The following TBCA variants were observed in gnomAD, a reference collection of about 807,000 sequenced individuals.
TBCA encodes the protein tubulin folding cofactor A.
Under a neutral mutation model 15.8 loss-of-function variants are expected in TBCA, and 6 were observed. The observed-to-expected ratio is 0.38, with a 90% CI of 0.21 to 0.75. The LOEUF (loss-of-function observed/expected upper bound fraction) is 0.75. Ranked by LOEUF, TBCA falls within the 30% of genes least tolerant of loss-of-function variation. TBCA has a pLI of 0.46. For missense variants in TBCA, 90 were observed against 131.2 expected (o/e 0.69, Z 1.53); for synonymous variants, 32 against 42.3 (o/e 0.76, Z 0.94).
intron 1 of TBCA, among the ~76,000 whole-genome samples, chr5:77,725,939 T>C (rs944646447): frequency 9.9e-5 from 15 of 152,200 alleles, no homozygotes; most frequent in Non-Finnish European, 1.8e-4. Context: ...GTCACTTATA[T>C]GAAGGGTGGA....
intron 1 of TBCA, among the ~76,000 whole-genome samples, chr5:77,771,055 C>T (rs1580142139): frequency 6.6e-6 from 1 of 151,680 alleles, no homozygotes; most frequent in Admixed American, 6.6e-5. Context: ...CAGGAGGCAG[C>T]AGCTGCAGTG....
intron 1 of TBCA, among the ~76,000 whole-genome samples, chr5:77,736,840 T>C (rs1391786347): frequency 1.3e-5 from 2 of 152,228 alleles, no homozygotes; most frequent in Non-Finnish European, 2.9e-5. Flanking sequence ...ATATAATGCT[T>C]TGCAATTAAA....
intron 1 of TBCA, among the ~76,000 whole-genome samples, chr5:77,731,642 T>C (rs1746771529): frequency 6.6e-6 from 1 of 152,204 alleles, no homozygotes; most frequent in Non-Finnish European, 1.5e-5. Context: ...TTATCTGTTG[T>C]ATAGATAGTA....
intron 1 of TBCA, among the ~76,000 whole-genome samples, chr5:77,761,766 C>T (rs1027623451): frequency 3.3e-5 from 5 of 151,774 alleles, no homozygotes; most frequent in African/African-American, 7.3e-5. Context: ...CTGATCCAGC[C>T]GTCCAACAGA....
intron 1 of TBCA, among the ~76,000 whole-genome samples, chr5:77,754,865 T>C (rs747121909): frequency 2.0e-5 from 3 of 152,224 alleles, no homozygotes; most frequent in South Asian, 2.1e-4. Context: ...TTACCAATAA[T>C]TTAAAAGTTA....
intron 1 of TBCA, among the ~76,000 whole-genome samples, chr5:77,766,176 C>T (rs1747772147): frequency 1.3e-5 from 2 of 152,168 alleles, no homozygotes; most frequent in East Asian, 1.9e-4. Flanking sequence ...GTCTATGTAA[C>T]TTAGCAGGCA....
chr5:77,755,216 AAT>A (rs1031962682), intron 1 of TBCA, among the ~76,000 whole-genome samples: 5 of 152,222 alleles, frequency 3.3e-5, no homozygotes, highest in African/African-American at 9.6e-5. Context: ...AGAACTTAGG[AAT>A]TTTATAGTTA....
intron 2 of TBCA, chr5:77,694,245 C>G (rs1254498379): frequency 6.6e-6 from 1 of 152,178 alleles, no homozygotes; most frequent in African/African-American, 2.4e-5. Flanking sequence ...AAAGTTATTA[C>G]TTATCCTCAT....
chr5:77,691,712 C>G (rs1745752638), intron 3 of TBCA: 2 of 1,294,518 alleles, frequency 1.5e-6, no homozygotes, highest in African/African-American at 3.1e-5. Flanking sequence ...TTTTGTTTCA[C>G]TGTATATATT....
At chr5:77,706,592 A>G (rs748449363) in intron 2 of TBCA, among the ~76,000 whole-genome samples, 6 of 152,120 alleles carry the variant, frequency 3.9e-5, no homozygotes, top group Non-Finnish European at 2.9e-5. Flanking sequence ...AGGTAGGCAG[A>G]TCGCCTGAGG....
At chr5:77,727,895 A>G (rs150258948) in intron 1 of TBCA, among the ~76,000 whole-genome samples, 1 of 152,306 alleles carries the variant, frequency 6.6e-6, no homozygotes, top group African/African-American at 2.4e-5. Flanking sequence ...TACTATATTC[A>G]TGCTGATAGT....
At chr5:77,745,578 T>TA (rs1392546728) in intron 1 of TBCA, among the ~76,000 whole-genome samples, 1 of 152,190 alleles carries the variant, frequency 6.6e-6, no homozygotes, top group Non-Finnish European at 1.5e-5. Flanking sequence ...TATCATGAAT[T>TA]ACGTGTTAAA....
At chr5:77,704,787 T>C (rs1169066300) in intron 2 of TBCA, among the ~76,000 whole-genome samples, 6 of 152,302 alleles carry the variant, frequency 3.9e-5, no homozygotes, top group African/African-American at 7.2e-5. Context: ...AAAACTGCAA[T>C]TGACAACTAT....
intron 1 of TBCA, among the ~76,000 whole-genome samples, chr5:77,720,553 A>T (rs1746508560): frequency 6.6e-6 from 1 of 152,022 alleles, no homozygotes; most frequent in African/African-American, 2.4e-5. Flanking sequence ...GTCTCTACTA[A>T]AAATATAAAA....
intron 2 of TBCA, among the ~76,000 whole-genome samples, chr5:77,706,892 G>C (rs903207531): frequency 4.6e-5 from 7 of 151,558 alleles, no homozygotes; most frequent in Non-Finnish European, 8.8e-5. Context: ...TTATGAGAAA[G>C]AGATAAAAAT....
chr5:77,727,239 GAAAAAAAAAA>G (rs35477479), intron 1 of TBCA, among the ~76,000 whole-genome samples: 1 of 81,022 alleles, frequency 1.2e-5, no homozygotes, highest in East Asian at 3.8e-4. Flanking sequence ...TCTGTCTCAG[GAAAAAAAAAA>G]AAAAAAAAAA....
intron 1 of TBCA, among the ~76,000 whole-genome samples, chr5:77,764,551 T>C (rs549994064): frequency 1.8e-4 from 28 of 152,348 alleles, no homozygotes; most frequent in African/African-American, 6.7e-4. Context: ...TTAAAAAGTT[T>C]ATAGCAATAT....
chr5:77,709,754 A>C (rs1291043887), intron 1 of TBCA, among the ~76,000 whole-genome samples: 1 of 152,218 alleles, frequency 6.6e-6, no homozygotes, highest in African/African-American at 2.4e-5. Flanking sequence ...ACATTATGCA[A>C]GACAGGCAAA....
intron 2 of TBCA, among the ~76,000 whole-genome samples, chr5:77,695,063 G>A (rs1013993733): frequency 6.6e-6 from 1 of 152,022 alleles, no homozygotes; most frequent in Admixed American, 6.6e-5. Flanking sequence ...CTTTCCTATG[G>A]AATTCCCTTC....
Sources: gnomAD v4.1 joint callset for allele counts (sites outside exome capture counted in the v4.1 genomes callset) on GRCh38, gnomAD v4.1.1 for gene constraint, MANE v1.5 for transcripts, NCBI Gene and HGNC (gene_info 2026-07-23, HGNC 2026-07-21) for gene names.